SNRPD1: variants seen among roughly 807,000 people sequenced by gnomAD.
SNRPD1 encodes the protein small nuclear ribonucleoprotein D1 polypeptide.
In SNRPD1, 1 loss-of-function variant was observed where a neutral mutation model predicts 14.4. That is an observed-to-expected ratio of 0.07 (90% CI 0.02 to 0.33). SNRPD1 has a LOEUF of 0.33. Among genes scored for constraint, SNRPD1 ranks in the 10% least tolerant of loss-of-function variants. The probability of loss-of-function intolerance (pLI) is 1.00; values close to 1 mark genes in which losing one functional copy is unlikely to be tolerated. For synonymous variants in SNRPD1, 42 were observed against 50.3 expected, an observed-to-expected ratio of 0.83 and a Z score of 0.70; for missense variants, 52 against 146.4, an observed-to-expected ratio of 0.36 and a Z score of 3.33.
rs907917528 is a variant in SNRPD1, at chr18:21,630,606, A to G, written c.*1468A>G. On this transcript the variant is annotated 3_prime_UTR_variant, in exon 4 of 4. Transcript: ENST00000300413. ...GAAACCCCATTTCTACTAAAAATAC[A>G]AAAGTTAGCCAGGTGCAGTGACAGG... 3 of 151,888 alleles carry G rather than the reference A, an allele frequency of 2.0e-5. No individual in the cohort carries two copies. The highest frequency in any genetic ancestry group is 4.4e-5 in the Non-Finnish European group (3 of 67,990). The allele number at this position is 151,888 out of a possible 1,614,324, so 9.4% of individuals were successfully genotyped here.
chr18:21,614,491 AT>A, intron 1 of SNRPD1, among the ~76,000 whole-genome samples: 1 of 152,028 alleles, frequency 6.6e-6, no homozygotes, highest in East Asian at 1.9e-4. Flanking sequence ...CAGAGAATGT[AT>A]TTTTCCTCCA....
chr18:21,621,993 G>T (rs183356213), intron 1 of SNRPD1, among the ~76,000 whole-genome samples: 1 of 152,178 alleles, frequency 6.6e-6, no homozygotes, highest in Non-Finnish European at 1.5e-5. Flanking sequence ...TATGTCAAAA[G>T]AAATCTGTAT....
intron 1 of SNRPD1, among the ~76,000 whole-genome samples, chr18:21,614,070 C>G (rs2146254958): frequency 6.6e-6 from 1 of 151,912 alleles, no homozygotes; most frequent in South Asian, 2.1e-4. Flanking sequence ...GTCAGGAGTT[C>G]AGGACCTGCC....
intron 1 of SNRPD1, among the ~76,000 whole-genome samples, chr18:21,613,263 A>T (rs1236348284): frequency 1.3e-5 from 2 of 152,140 alleles, no homozygotes; most frequent in African/African-American, 4.8e-5. Context: ...CTGCAAGTAG[A>T]TTTGGTTTTG....
chr18:21,632,666 T>TA lies in SNRPD1; in HGVS notation c.*3531dup, dbSNP rs914621384. On this transcript the variant is annotated 3_prime_UTR_variant, in exon 4 of 4. Transcript: ENST00000300413. ...TTGAACTGATTACCATCATTTGCTATAAAGGAAGCATTATAGTATGAATAG... is the reference window on the plus strand; with the variant it reads ...TTGAACTGATTACCATCATTTGCTATAAAAGGAAGCATTATAGTATGAATAG... The TA allele has an allele frequency of 6.6e-6, 1 of 152,062 alleles. No individual in the cohort carries two copies. Among genetic ancestry groups the TA allele is most frequent in the Admixed American group, 6.6e-5 (1 of 15,234 alleles). The allele number at this position is 152,062 out of a possible 1,614,324, so 9.4% of individuals were successfully genotyped here. A position where few individuals can be genotyped will look rare whatever the true frequency, so the allele number is the denominator to read the frequency against.
chr18:21,625,167 T>TA (rs1351805354), intron 3 of SNRPD1, among the ~76,000 whole-genome samples: 2 of 151,942 alleles, frequency 1.3e-5, no homozygotes, highest in African/African-American at 4.8e-5. Context: ...ACTACCTACC[T>TA]ACCTGTCGGG....
Position 21,629,000 on chromosome 18 carries a change from G to A in SNRPD1, c.284-62G>A. ...AGGTGTGTGTGTAAATGTTGTTTGTGGTGTCTAGGTAACATTGGTGCAGGA... is the reference window on the plus strand; with the variant it reads ...AGGTGTGTGTGTAAATGTTGTTTGTAGTGTCTAGGTAACATTGGTGCAGGA... On this transcript the variant is annotated intron_variant, in intron 3 of 3. Transcript: ENST00000300413. The A allele has an allele frequency of 2.5e-6, 3 of 1,207,658 alleles. No individual in the cohort carries two copies. The South Asian group carries it at 3.6e-5, about 15-fold the overall frequency. The allele number at this position is 1,207,658 out of a possible 1,614,324, so 74.8% of individuals were successfully genotyped here. A position where few individuals can be genotyped will look rare whatever the true frequency, so the allele number is the denominator to read the frequency against.
intron 1 of SNRPD1, among the ~76,000 whole-genome samples, chr18:21,621,581 T>A (rs909909114): frequency 4.7e-4 from 72 of 152,106 alleles, no homozygotes; most frequent in Non-Finnish European, 2.4e-4. Context: ...ATTTTTATTT[T>A]TTTTTAATTT....
intron 3 of SNRPD1, among the ~76,000 whole-genome samples, chr18:21,625,540 C>G (rs2039031383): frequency 6.6e-6 from 1 of 151,636 alleles, no homozygotes; most frequent in South Asian, 2.1e-4. Flanking sequence ...GGTCTCATAC[C>G]CCTGACCTCA....
At chr18:21,616,957 A>T (rs1165978981) in intron 1 of SNRPD1, among the ~76,000 whole-genome samples, 1 of 151,316 alleles carries the variant, frequency 6.6e-6, no homozygotes, top group Non-Finnish European at 1.5e-5. Context: ...AAGTGCTGGG[A>T]TTACAGGCGT....
rs1227253199 is a variant in SNRPD1 at position 21,626,732 on chromosome 18, C to T, written c.284-2330C>T. Among the ~76,000 whole-genome samples, 3 of 150,282 alleles carry T rather than the reference C, an allele frequency of 2.0e-5. No homozygotes were observed. In the East Asian group the frequency reaches 6.0e-4, roughly 30 times the overall value. On this transcript the variant is annotated intron_variant, in intron 3 of 3. Coordinates refer to ENST00000300413, the MANE Select transcript of SNRPD1 (RefSeq NM_006938.4). The stretch of plus-strand genomic sequence containing the variant: ...ACCTGGGAGGCAGAGGTTGTAGTGA[C>T]CCGAGATCGCACTACTGCACTCCAG...
chr18:21,616,207 A>T (rs536228707), intron 1 of SNRPD1, among the ~76,000 whole-genome samples: 40 of 151,842 alleles, frequency 2.6e-4, no homozygotes, highest in Non-Finnish European at 4.9e-4. Context: ...GGATGTTCTC[A>T]ATCTCCTGAC....
Position 21,632,303 on chromosome 18 carries a change from A to G in SNRPD1, c.*3165A>G, listed in dbSNP as rs182757456. On this transcript the variant is annotated 3_prime_UTR_variant, in exon 4 of 4. Transcript: ENST00000300413. Reference sequence around the variant, plus strand: ...TGGTGAAACCCTGTCTACTGAAAATACAAAAATTAGCTTGGTGTGGTGGCG... The same window carrying G: ...TGGTGAAACCCTGTCTACTGAAAATGCAAAAATTAGCTTGGTGTGGTGGCG... 3.9e-5 allele frequency: 6 copies of G among 152,198 alleles called. No homozygotes were observed. Among genetic ancestry groups the G allele is most frequent in the Admixed American group, 2.0e-4 (3 of 15,256 alleles). The allele number at this position is 152,198 out of a possible 1,614,324, so 9.4% of individuals were successfully genotyped here.
chr18:21,623,250 C>A (rs918127611), intron 2 of SNRPD1, among the ~76,000 whole-genome samples: 7 of 152,182 alleles, frequency 4.6e-5, no homozygotes, highest in Non-Finnish European at 8.8e-5. Context: ...TGCCACCACA[C>A]CCAGCTAATT....
At chr18:21,625,767 C>T (rs948085450) in intron 3 of SNRPD1, among the ~76,000 whole-genome samples, 14 of 152,064 alleles carry the variant, frequency 9.2e-5, no homozygotes, top group Non-Finnish European at 1.9e-4. Flanking sequence ...CCTGCAACCA[C>T]GCCCGGCTAA....
intron 3 of SNRPD1, among the ~76,000 whole-genome samples, chr18:21,624,151 C>A (rs557846876): frequency 6.6e-6 from 1 of 151,298 alleles, no homozygotes; most frequent in Admixed American, 6.6e-5. Flanking sequence ...GAGGCCAAGG[C>A]GGGTGGATCA....
intron 1 of SNRPD1, among the ~76,000 whole-genome samples, chr18:21,617,907 A>C (rs1363934350): frequency 6.6e-6 from 1 of 152,200 alleles, no homozygotes; most frequent in Non-Finnish European, 1.5e-5. Context: ...TGAACCCGGG[A>C]GACGGAGGTT....
chr18:21,630,865 A>C lies in SNRPD1; in HGVS notation c.*1727A>C, dbSNP rs893134876. ...ATATATTAGTATACATGTAGAATGTACCTGTCATATATATTAGATATATAA... is the reference window on the plus strand; with the variant it reads ...ATATATTAGTATACATGTAGAATGTCCCTGTCATATATATTAGATATATAA... On this transcript the variant is annotated 3_prime_UTR_variant, in exon 4 of 4. Transcript: ENST00000300413. 1 of 148,816 alleles carries C rather than the reference A, an allele frequency of 6.7e-6. No individual in the cohort carries two copies. Among genetic ancestry groups the C allele is most frequent in the African/African-American group, 2.4e-5 (1 of 40,910 alleles). The allele number at this position is 148,816 out of a possible 1,614,324, so 9.2% of individuals were successfully genotyped here. A position where few individuals can be genotyped will look rare whatever the true frequency, so the allele number is the denominator to read the frequency against.
At chr18:21,614,025 C>T (rs2038940085) in intron 1 of SNRPD1, among the ~76,000 whole-genome samples, 2 of 152,084 alleles carry the variant, frequency 1.3e-5, no homozygotes, top group African/African-American at 4.8e-5. Flanking sequence ...GTAATCCCAA[C>T]ACTTTGGGAG....
Sources: gnomAD v4.1 joint callset for allele counts (sites outside exome capture counted in the v4.1 genomes callset) on GRCh38, gnomAD v4.1.1 for gene constraint, MANE v1.5 for transcripts, NCBI Gene and HGNC (gene_info 2026-07-23, HGNC 2026-07-21) for gene names.